Variants in SLC14A1 observed in about 807,000 individuals in gnomAD.
SLC14A1 encodes solute carrier family 14 member 1 (Kidd blood group).
In SLC14A1, 36 loss-of-function variants were observed where a neutral mutation model predicts 39.6. The ratio of observed to expected loss-of-function variants is 0.91; its 90% confidence interval spans 0.70 to 1.20. The LOEUF is 1.20. Among genes scored for constraint, SLC14A1 ranks in the 50% most tolerant of loss-of-function variants. SLC14A1 has a pLI of 0.00. For synonymous variants in SLC14A1, 164 were observed against 173.6 expected, an observed-to-expected ratio of 0.94 and a Z score of 0.43; for missense variants, 469 against 478.7, an observed-to-expected ratio of 0.98 and a Z score of 0.19.
intron 9 of SLC14A1, among the ~76,000 whole-genome samples, chr18:45,749,233 A>G (rs16809): frequency 0.61 from 93,141 of 151,914 alleles, 29,250 homozygotes; most frequent in East Asian, 0.93. Flanking sequence ...TCCATGCATC[A>G]GGTCAGAGCT....
At chr18:45,739,917 G>A (rs1395015862) in intron 8 of SLC14A1, 1 of 542,932 alleles carries the variant, frequency 1.8e-6, no homozygotes. Context: ...TGGATGTTTG[G>A]GAGGATAGAA....
At chr18:45,738,738 A>AGATTAAATCACCCTCAACAC (rs1213246472) in intron 6 of SLC14A1, among the ~76,000 whole-genome samples, 6 of 152,312 alleles carry the variant, frequency 3.9e-5, no homozygotes, top group African/African-American at 1.4e-4. Context: ...ATGCATGGAT[A>AGATTAAATCACCCTCAACAC]GATTAAATCA....
chr18:45,735,989 T>C (rs2047182829), intron 5 of SLC14A1, among the ~76,000 whole-genome samples: 3 of 152,150 alleles, frequency 2.0e-5, no homozygotes, highest in Admixed American at 1.3e-4. Context: ...TTCCTCCAGC[T>C]CACACTACCT....
At position 45,750,591 on chromosome 18, in the gene SLC14A1, G is replaced by T. The variant is rs973367925; in HGVS notation, c.*640G>T. 14 of 986,188 alleles carry T rather than the reference G, an allele frequency of 1.4e-5. No homozygotes were observed. The African/African-American group carries it at 2.3e-4, about 16-fold the overall frequency. 61.1% of individuals were successfully genotyped at this position (986,188 alleles called of 1,614,324 possible). Reference sequence around the variant, plus strand: ...CAGACTGACAGGACTGCAAGAGGGAGAAAGGAATTTTGTCAATCAAAATTA... The same window carrying T: ...CAGACTGACAGGACTGCAAGAGGGATAAAGGAATTTTGTCAATCAAAATTA... On this transcript the variant is annotated 3_prime_UTR_variant, in exon 10 of 10. Transcript: ENST00000321925.
chr18:45,737,889 G>A (rs549763201), intron 6 of SLC14A1, among the ~76,000 whole-genome samples: 16 of 152,126 alleles, frequency 1.1e-4, no homozygotes, highest in Non-Finnish European at 2.1e-4. Context: ...TCTGGGGCAG[G>A]GGAAGCCTTG....
At chr18:45,742,059 T>G (rs487042) in intron 8 of SLC14A1, among the ~76,000 whole-genome samples, 140,951 of 152,228 alleles carry the variant, frequency 0.93, 65,276 homozygotes, top group East Asian at 1. Flanking sequence ...GGCAAGGGAG[T>G]GAGCCCAAGA....
intron 8 of SLC14A1, among the ~76,000 whole-genome samples, chr18:45,744,311 A>C (rs1188881957): frequency 6.6e-6 from 1 of 152,168 alleles, no homozygotes; most frequent in Non-Finnish European, 1.5e-5. Flanking sequence ...TTTTTCAAAG[A>C]GGGTTTGCAA....
chr18:45,742,354 T>TG (rs1555648954), intron 8 of SLC14A1, among the ~76,000 whole-genome samples: 1,312 of 33,878 alleles, frequency 0.039, 24 homozygotes, highest in African/African-American at 0.17. Context: ...TGTTTTTTGG[T>TG]TTTTTTTTTT....
At chr18:45,726,461 AC>A (rs2046865440) in intron 2 of SLC14A1, among the ~76,000 whole-genome samples, 1 of 152,232 alleles carries the variant, frequency 6.6e-6, no homozygotes. Flanking sequence ...GTGGAATTCA[AC>A]TAAAAACTGT....
At chr18:45,735,967 T>G (rs1599278769) in intron 5 of SLC14A1, among the ~76,000 whole-genome samples, 1 of 152,160 alleles carries the variant, frequency 6.6e-6, no homozygotes, top group East Asian at 1.9e-4. Context: ...CCCCACCAAC[T>G]GTGATATCAT....
At chr18:45,748,521 G>T (rs2047617831) in intron 9 of SLC14A1, 96 bp downstream of exon 9, 1 of 1,254,664 alleles carries the variant, frequency 8.0e-7, no homozygotes, top group Non-Finnish European at 1.2e-6. Context: ...GGCATCCAGT[G>T]GCAGGATCCA....
Position 45,750,364 on chromosome 18 carries a change from A to C in SLC14A1, c.*413A>C, listed in dbSNP as rs2047673854. The C allele has an allele frequency of 9.3e-7, 1 of 1,073,430 alleles. No homozygotes were observed. Among genetic ancestry groups the C allele is most frequent in the Non-Finnish European group, 1.1e-6 (1 of 883,656 alleles). The allele number at this position is 1,073,430 out of a possible 1,614,324, so 66.5% of individuals were successfully genotyped here. Reference sequence around the variant, plus strand: ...TAAGCCTTATGGAATTCACAGTCACAAAATCGAAGTTAATCCAGAATTCTG... The same window carrying C: ...TAAGCCTTATGGAATTCACAGTCACCAAATCGAAGTTAATCCAGAATTCTG... On this transcript the variant is annotated 3_prime_UTR_variant, in exon 10 of 10. Coordinates refer to ENST00000321925, the MANE Select transcript of SLC14A1 (RefSeq NM_015865.7).
rs187220263 is a variant in SLC14A1, at chr18:45,739,069, C to T, written c.664-94C>T. On this transcript the variant is annotated intron_variant, in intron 6 of 9. Coordinates refer to ENST00000321925, the MANE Select transcript of SLC14A1 (RefSeq NM_015865.7). Reference sequence around the variant, plus strand: ...GTTCTTGAAAGAGGTAAGGTATGTCCAATCTAAAATTACATTGTAGGAGTT... The same window carrying T: ...GTTCTTGAAAGAGGTAAGGTATGTCTAATCTAAAATTACATTGTAGGAGTT... The T allele has an allele frequency of 2.3e-6, 3 of 1,292,586 alleles. No homozygotes were observed. In the East Asian group the frequency reaches 6.9e-5, roughly 30 times the overall value. The allele number at this position is 1,292,586 out of a possible 1,614,324, so 80.1% of individuals were successfully genotyped here.
chr18:45,743,755 T>G (rs568453045), intron 8 of SLC14A1, among the ~76,000 whole-genome samples: 49 of 152,302 alleles, frequency 3.2e-4, no homozygotes, highest in African/African-American at 1.1e-3. Context: ...AGAATCAAGC[T>G]TGTTTATTTT....
chr18:45,727,539 C>A, intron 2 of SLC14A1: 1 of 1,208,994 alleles, frequency 8.3e-7, no homozygotes, highest in Non-Finnish European at 1.1e-6. Context: ...GCCAAAGGCA[C>A]AGGGATCTTG....
At chr18:45,727,342 G>A in intron 2 of SLC14A1, 2 of 1,551,486 alleles carry the variant, frequency 1.3e-6, no homozygotes, top group South Asian at 1.2e-5. Flanking sequence ...GACCCTTTTG[G>A]AACTAAAGCT....
At chr18:45,730,880 G>C (rs3819178) in intron 3 of SLC14A1, 135 bp from the exon 4 acceptor site, 384,720 of 806,732 alleles carry the variant, frequency 0.48, 93,567 homozygotes, top group East Asian at 0.54. Flanking sequence ...ACAATGGGTT[G>C]AGAGAGAAAT....
chr18:45,752,293 G>A lies in SLC14A1; in HGVS notation c.*2342G>A, dbSNP rs186624207. On this transcript the variant is annotated 3_prime_UTR_variant, in exon 10 of 10. Transcript: ENST00000321925. ...CCAGAGGCCTCTAAAATGGACCCGA[G>A]TCGATCTTCAGAACAGGGATCTACC... is the stretch of plus-strand genomic sequence containing the variant. 376 of 953,300 alleles carry A rather than the reference G, an allele frequency of 3.9e-4. 1 individual carries two copies. The highest frequency in any genetic ancestry group is 8.0e-4 in the Admixed American group (13 of 16,246). 59.1% of individuals were successfully genotyped at this position (953,300 alleles called of 1,614,324 possible).
chr18:45,728,945 T>C (rs115060623), intron 2 of SLC14A1: 143 of 152,374 alleles, frequency 9.4e-4, no homozygotes, highest in African/African-American at 3.2e-3. Context: ...GTTACCCATA[T>C]TGATTTCTTT....
Sources: allele counts gnomAD v4.1 joint callset (sites outside exome capture counted in the v4.1 genomes callset), GRCh38; gene constraint gnomAD v4.1.1; transcripts MANE v1.5; gene names NCBI Gene and HGNC (gene_info 2026-07-23, HGNC 2026-07-21).